ITGA2B: variants seen among roughly 807,000 people sequenced by gnomAD.
The protein encoded by ITGA2B is integrin subunit alpha 2b.
Under a neutral mutation model 142.0 loss-of-function variants are expected in ITGA2B, and 91 were observed. The ratio of observed to expected loss-of-function variants is 0.64; its 90% CI spans 0.54 to 0.76. ITGA2B has a LOEUF of 0.76. ITGA2B is among the 30% of genes least tolerant of loss of function. ITGA2B has a pLI of 0.00. For synonymous variants in ITGA2B, 536 were observed against 567.2 expected, an observed-to-expected ratio of 0.94 and a Z score of 0.78; for missense variants, 1,231 against 1,350.8, an observed-to-expected ratio of 0.91 and a Z score of 1.39.
Position 44,374,401 on chromosome 17 carries a change from G to A in ITGA2B, c.3013C>T (p.Leu1005=), listed in dbSNP as rs200291413. The change falls in exon 29 of 30, where the codon CTG becomes TTG. Residue 1005 remains leucine (L), a synonymous_variant. Transcript: ENST00000262407. ...ATGGTGAGCAGCAGCAGGCCACCCA[G>A]CACACCCACCAGCACCCACCAGATT... ...IPIWWVLVGV[L]GGLLLLTILV... is the part of the protein sequence containing the mutation. 5.6e-6 allele frequency: 9 copies of A among 1,613,936 alleles called. No individual in the cohort carries two copies. The highest frequency in any genetic ancestry group is 1.6e-4 in the Middle Eastern group (1 of 6,084).
At chr17:44,377,127 C>A in intron 21 of ITGA2B, 39 bp from the exon 22 acceptor site, 1 of 1,477,568 alleles carries the variant, frequency 6.8e-7, no homozygotes, top group Non-Finnish European at 9.3e-7. Flanking sequence ...GCCCAAGTGC[C>A]CCACTTAGGA....
chr17:44,375,227 CT>C, intron 26 of ITGA2B, 116 bp from the exon 27 acceptor site: 1 of 864,040 alleles, frequency 1.2e-6, no homozygotes, highest in Non-Finnish European at 1.9e-6. Context: ...AAGCGGTGGC[CT>C]TCCCATCAGG....
intron 26 of ITGA2B, 150 bp downstream of exon 26, chr17:44,375,441 C>A (rs771123232): frequency 4.4e-6 from 4 of 911,216 alleles, no homozygotes; most frequent in Non-Finnish European, 5.0e-6. Flanking sequence ...CACAAGCCAG[C>A]ATGCTCCTCC....
At position 44,377,742 on chromosome 17, in the gene ITGA2B, C is replaced by T. The variant is rs993044068; in HGVS notation, c.2143G>A (p.Val715Met). ...GGGTTGCCCAGCTCACACAGCACCACCCTGGTCTCATTCTCCTTCTTCTGA... is the reference window on the plus strand; with the variant it reads ...GGGTTGCCCAGCTCACACAGCACCATCCTGGTCTCATTCTCCTTCTTCTGA... ...CNQKKENETR[V>M]VLCELGNPMK... Residue 715 changes from valine (V) to methionine (M), a missense_variant, in exon 21 of 30, where the codon GTG (valine) becomes ATG (methionine). This residue lies in a region of ITGA2B where 908 missense variants were observed against 1,021.1 expected (regional missense o/e 0.89). Transcript: ENST00000262407. 3.7e-6 allele frequency: 6 copies of T among 1,613,862 alleles called. No homozygotes were observed. The highest frequency in any genetic ancestry group is 1.7e-5 in the Admixed American group (1 of 59,984).
In ITGA2B at chr17:44,380,061, T is replaced by C. The variant is rs758547390; in HGVS notation, c.1693A>G (p.Asn565Asp). The C allele has an allele frequency of 1.3e-5, 21 of 1,613,900 alleles. No individual in the cohort carries two copies. The highest frequency in any genetic ancestry group is 1.8e-5 in the Non-Finnish European group (21 of 1,180,018). ...CTGTGCTTTCCGCCCAGATCCAGGT[T>C]CAGGGTGGTGCCTGCCTGTTGAGAG... ...LGSQQAGTTL[N>D]LDLGGKHSPI... is the part of the protein sequence containing the mutation. The change falls in exon 17 of 30, where the codon AAC becomes GAC. Residue 565 changes from asparagine to aspartate, a missense_variant. Asn to Asp is a conservative substitution (Grantham distance 23). Coordinates refer to ENST00000262407, the MANE Select transcript of ITGA2B (RefSeq NM_000419.5).
chr17:44,385,149 C>A lies in ITGA2B; in HGVS notation c.670+15G>T, dbSNP rs761759874. The A allele has an allele frequency of 6.2e-7, 1 of 1,614,014 alleles. No individual in the cohort carries two copies. The highest frequency in any genetic ancestry group is 1.1e-5 in the South Asian group (1 of 91,070). On this transcript the variant is annotated intron_variant, in intron 6 of 29. Coordinates refer to ENST00000262407, the MANE Select transcript of ITGA2B (RefSeq NM_000419.5). ...GGCCGCGAGAAGGGAGGGAGGTGTA[C>A]GGATGGGCACGTACCTAAGAAATAA...
At chr17:44,383,174 T>C (rs1440312401) in intron 12 of ITGA2B, among the ~76,000 whole-genome samples, 1 of 151,782 alleles carries the variant, frequency 6.6e-6, no homozygotes, top group Non-Finnish European at 1.5e-5. Flanking sequence ...AACTCCAACC[T>C]CTCCCCTGGC....
intron 12 of ITGA2B, 111 bp downstream of exon 12, chr17:44,383,382 T>C: frequency 1.0e-6 from 1 of 1,000,800 alleles, no homozygotes; most frequent in Non-Finnish European, 1.5e-6. Flanking sequence ...CTAAGCCACA[T>C]ACTTATATGC....
chr17:44,389,116 C>G (rs993327457), intron 1 of ITGA2B, among the ~76,000 whole-genome samples, 170 bp downstream of exon 1: 9 of 152,096 alleles, frequency 5.9e-5, no homozygotes, highest in African/African-American at 2.2e-4. Flanking sequence ...ATACCTTCAC[C>G]TGAGCCAGTC....
chr17:44,379,997 C>A lies in ITGA2B; in HGVS notation c.1752+5G>T. ...CAGCCCTGCCAATCCCCTGCCTGGG[C>A]GTACTCGAAGGAAGGCCATGGTGGT... On this transcript the variant is annotated splice_donor_5th_base_variant and intron_variant, in intron 17 of 29. Transcript: ENST00000262407. 6.2e-7 allele frequency: 1 copy of A among 1,613,216 alleles called. No individual in the cohort carries two copies. The highest frequency in any genetic ancestry group is 2.2e-5 in the East Asian group (1 of 44,888).
chr17:44,380,333 G>A, intron 15 of ITGA2B, 32 bp from the exon 16 acceptor site: 1 of 1,614,202 alleles, frequency 6.2e-7, no homozygotes, highest in Non-Finnish European at 8.5e-7. Context: ...TCAGGGGTTG[G>A]AGCCTTTCTG....
Position 44,380,631 on chromosome 17 carries a change from C to T in ITGA2B, c.1408G>A (p.Ala470Thr). The change falls in exon 14 of 30, where the codon GCT (alanine) becomes ACT (threonine). Residue 470 changes from alanine (A) to threonine (T), a missense_variant. Physicochemically the swap from Ala to Thr is moderately conservative, Grantham distance 58. This residue lies in a region of ITGA2B where 908 missense variants were observed against 1,021.1 expected (regional missense o/e 0.89). Transcript: ENST00000262407. ...DNGYPDLIVG[A>T]YGANQVAVYR... ...ACAGCCACCTGGTTGGCCCCGTAAG[C>T]TCCCACGATCAGGTCTATAGACATC... 3 of 1,614,216 alleles carry T rather than the reference C, an allele frequency of 1.9e-6. No individual in the cohort carries two copies. The highest frequency in any genetic ancestry group is 2.5e-6 in the Non-Finnish European group (3 of 1,180,030).
At chr17:44,387,580 C>A (rs2048660541) in intron 1 of ITGA2B, among the ~76,000 whole-genome samples, 1 of 151,078 alleles carries the variant, frequency 6.6e-6, no homozygotes, top group Admixed American at 6.6e-5. Context: ...AATCCCAGCA[C>A]TTTGGGAGGC....
intron 22 of ITGA2B, 55 bp downstream of exon 22, chr17:44,376,954 C>T: frequency 7.0e-7 from 1 of 1,430,012 alleles, no homozygotes; most frequent in Non-Finnish European, 9.6e-7. Flanking sequence ...AGGGGCTCTG[C>T]ACGGGGGTCA....
chr17:44,380,332 G>C, intron 15 of ITGA2B, 31 bp from the exon 16 acceptor site: 1 of 1,614,162 alleles, frequency 6.2e-7, no homozygotes, highest in Non-Finnish European at 8.5e-7. Context: ...CTCAGGGGTT[G>C]GAGCCTTTCT....
At chr17:44,384,666 G>A in intron 7 of ITGA2B, 81 bp from the exon 8 acceptor site, 1 of 1,501,388 alleles carries the variant, frequency 6.7e-7, no homozygotes. Context: ...GGAGATTAAG[G>A]CCACTCAGCC....
intron 1 of ITGA2B, 68 bp downstream of exon 1, chr17:44,389,218 G>T: frequency 6.5e-7 from 1 of 1,544,506 alleles, no homozygotes; most frequent in African/African-American, 1.4e-5. Context: ...GAAACTCGAA[G>T]CCCCCAGAAG....
chr17:44,374,919 A>G, intron 27 of ITGA2B, 79 bp downstream of exon 27: 9 of 1,341,142 alleles, frequency 6.7e-6, no homozygotes, highest in Non-Finnish European at 9.3e-6. Context: ...CTGCCCTCCC[A>G]CACCAAACCC....
rs757505819 is a variant in ITGA2B at position 44,380,617 on chromosome 17, G to A, written c.1422C>T (p.Asn474=). The change falls in exon 14 of 30, where the codon AAC becomes AAT. Residue 474 remains asparagine, a synonymous_variant. Coordinates refer to ENST00000262407, the MANE Select transcript of ITGA2B (RefSeq NM_000419.5). ...GTGCTCACCTGTACACAGCCACCTG[G>A]TTGGCCCCGTAAGCTCCCACGATCA... ...PDLIVGAYGA[N]QVAVYRAQPV... 41 of 1,614,184 alleles carry A rather than the reference G, an allele frequency of 2.5e-5. No individual in the cohort carries two copies. Among genetic ancestry groups the A allele is most frequent in the Non-Finnish European group, 3.3e-5 (39 of 1,180,028 alleles).
Sources: allele counts gnomAD v4.1 joint callset (sites outside exome capture counted in the v4.1 genomes callset), GRCh38; gene constraint gnomAD v4.1.1; regional missense constraint gnomAD v4.1.1; transcripts MANE v1.5; gene names NCBI Gene and HGNC (gene_info 2026-07-23, HGNC 2026-07-21).